Variants in TERT observed in about 807,000 individuals in gnomAD.
The protein encoded by TERT is telomerase reverse transcriptase.
A neutral mutation model predicts 104.0 loss-of-function variants in TERT; 42 were observed. The ratio of observed to expected loss-of-function variants is 0.40; its 90% CI spans 0.32 to 0.52. The LOEUF (loss-of-function observed/expected upper bound fraction) is 0.52. TERT is among the 20% of genes least tolerant of loss of function. TERT has a pLI of 0.43. For missense variants in TERT, 1,101 were observed against 1,610.3 expected (o/e 0.68, Z 5.41); for synonymous variants, 781 against 725.6 (o/e 1.08, Z -1.23).
In TERT at chr5:1,270,159, T is replaced by A. The variant is rs373237448; in HGVS notation, c.2468+960A>T. ...ACTCTGCTGCCATGTGCAATTTGTG[T>A]TTTTCCAGAACGTGTGTACTACTTA... On this transcript the variant is annotated intron_variant, in intron 8 of 15. Transcript: ENST00000310581. The surrounding 1 kb of genome is among the most constrained non-coding windows in gnomAD (Gnocchi z 8.3). Among the ~76,000 whole-genome samples, 1 of 152,182 alleles carries A rather than the reference T, an allele frequency of 6.6e-6. No homozygotes were observed. Among genetic ancestry groups the A allele is most frequent in the Non-Finnish European group, 1.5e-5 (1 of 68,030 alleles).
At position 1,253,421 on chromosome 5, in the gene TERT, G is replaced by A. The variant is rs1747469779; in HGVS notation, c.*307C>T. On this transcript the variant is annotated 3_prime_UTR_variant, in exon 16 of 16. Coordinates refer to ENST00000310581, the MANE Select transcript of TERT (RefSeq NM_198253.3). ...ATCTGGGGATGGACTATTCCTATGTGGGGAGTGGAAGCCGGGCTCCTGGTG... is the reference window on the plus strand; with the variant it reads ...ATCTGGGGATGGACTATTCCTATGTAGGGAGTGGAAGCCGGGCTCCTGGTG... 5.6e-6 allele frequency: 3 copies of A among 532,894 alleles called. No individual in the cohort carries two copies. The South Asian group carries it at 6.2e-5, about 11-fold the overall frequency. 33.0% of individuals were successfully genotyped at this position (532,894 alleles called of 1,614,324 possible).
intron 7 of TERT, 133 bp from the exon 8 acceptor site, chr5:1,271,337 G>C: frequency 1.4e-6 from 1 of 726,902 alleles, no homozygotes; most frequent in Middle Eastern, 2.3e-4. Context: ...CTGGAATGCA[G>C]GGCCATCGTG....
At chr5:1,258,341 C>T (rs1195991873) in intron 13 of TERT, among the ~76,000 whole-genome samples, 6 of 152,272 alleles carry the variant, frequency 3.9e-5, no homozygotes, top group South Asian at 2.1e-4. Flanking sequence ...GCCTCCATGA[C>T]GTCCCACGGC....
At position 1,255,421 on chromosome 5, in the gene TERT, T is replaced by C. The variant is rs1373248251; in HGVS notation, c.3033-10A>G. The C allele has an allele frequency of 1.2e-6, 2 of 1,614,096 alleles. No homozygotes were observed. The highest frequency in any genetic ancestry group is 1.7e-6 in the Non-Finnish European group (2 of 1,180,010). On this transcript the variant is annotated splice_polypyrimidine_tract_variant and intron_variant, in intron 13 of 15. Transcript: ENST00000310581. The surrounding 1 kb of genome is among the most constrained non-coding windows in gnomAD (Gnocchi z 6.9). ...CACACATGCGTGAAACCTGAGAGGA[T>C]GGCGGACAGCGTCAGAGGAAAGGCC...
Position 1,269,702 on chromosome 5 carries a change from G to A in TERT, c.2469-1069C>T, listed in dbSNP as rs993601729. ...GCAAGAGGACTGCACTTTTTGCACAGAAGCACACGCACCAACTCTAGGAGT... is the reference window on the plus strand; with the variant it reads ...GCAAGAGGACTGCACTTTTTGCACAAAAGCACACGCACCAACTCTAGGAGT... On this transcript the variant is annotated intron_variant, in intron 8 of 15. Coordinates refer to ENST00000310581, the MANE Select transcript of TERT (RefSeq NM_198253.3). The surrounding 1 kb of genome is among the most constrained non-coding windows in gnomAD (Gnocchi z 9.0). Among the ~76,000 whole-genome samples, 2 of 152,062 alleles carry A rather than the reference G, an allele frequency of 1.3e-5. No homozygotes were observed. Among genetic ancestry groups the A allele is most frequent in the Non-Finnish European group, 2.9e-5 (2 of 68,000 alleles).
In TERT at chr5:1,266,398, C is replaced by CG. The variant is rs1358691014; in HGVS notation, c.2654+65dup. On this transcript the variant is annotated intron_variant, in intron 10 of 15. Transcript: ENST00000310581. ...ACGCTGCGGTGCCAGGGGCAGGACA[C>CG]GGGGGGCTCAACTGCAAAGCCCACA... 4 of 1,379,294 alleles carry CG rather than the reference C, an allele frequency of 2.9e-6. No individual in the cohort carries two copies. In the African/African-American group the frequency reaches 5.7e-5, roughly 20 times the overall value. 85.4% of individuals were successfully genotyped at this position (1,379,294 alleles called of 1,614,324 possible). A position where few individuals can be genotyped will look rare whatever the true frequency, so the allele number is the denominator to read the frequency against.
Position 1,254,438 on chromosome 5 carries a change from G to C in TERT, c.3225C>G (p.His1075Gln). The C allele has an allele frequency of 6.2e-7, 1 of 1,613,154 alleles. No homozygotes were observed. The highest frequency in any genetic ancestry group is 1.1e-5 in the South Asian group (1 of 91,082). Reference sequence around the variant, plus strand: ...GAGTCAGCTTGAGCAGGAATGCTTGGTGGCACAGCCACTGCACGGCCTCGG... The same window carrying C: ...GAGTCAGCTTGAGCAGGAATGCTTGCTGGCACAGCCACTGCACGGCCTCGG... ...LPSEAVQWLC[H>Q]QAFLLKLTRH... Residue 1075 changes from histidine to glutamine, a missense_variant, in exon 15 of 16, where the codon CAC becomes CAG. Physicochemically the swap from His to Gln is conservative, Grantham distance 24. Around this residue, in one of 5 missense-constraint regions of TERT, gnomAD observed 463 missense variants for 797.5 expected, o/e 0.58. Coordinates refer to ENST00000310581, the MANE Select transcript of TERT (RefSeq NM_198253.3).
In TERT at chr5:1,280,335, C is replaced by T. The variant is rs2126644785; in HGVS notation, c.1773G>A (p.Gln591=). 1.9e-6 allele frequency: 3 copies of T among 1,612,974 alleles called. No individual in the cohort carries two copies. The highest frequency in any genetic ancestry group is 1.7e-6 in the Non-Finnish European group (2 of 1,180,002). The change falls in exon 4 of 16, where the codon CAG becomes CAA. Residue 591 remains glutamine (Q), a synonymous_variant. Coordinates refer to ENST00000310581, the MANE Select transcript of TERT (RefSeq NM_198253.3). ...CCCGCAGCTGCACCCTCTTCAAGTG[C>T]TGTCTGCAATAGAGAGCCCCTCAGG... is the stretch of plus-strand genomic sequence containing the variant. ...WSKLQSIGIR[Q]HLKRVQLREL... is the part of the protein sequence containing the mutation.
At position 1,253,623 on chromosome 5, in the gene TERT, C is replaced by T. The variant is rs554285274; in HGVS notation, c.*105G>A. 27 of 932,010 alleles carry T rather than the reference C, an allele frequency of 2.9e-5. No individual in the cohort carries two copies. Among genetic ancestry groups the T allele is most frequent in the South Asian group, 9.8e-5 (7 of 71,246 alleles). 57.7% of individuals were successfully genotyped at this position (932,010 alleles called of 1,614,324 possible). A position where few individuals can be genotyped will look rare whatever the true frequency, so the allele number is the denominator to read the frequency against. ...ACTCACTCAGGCCTCAGACTCCCAGCGGTGCGGGCCTGGGTGTGGGCCGCC... is the reference window on the plus strand; with the variant it reads ...ACTCACTCAGGCCTCAGACTCCCAGTGGTGCGGGCCTGGGTGTGGGCCGCC... On this transcript the variant is annotated 3_prime_UTR_variant, in exon 16 of 16. Coordinates refer to ENST00000310581, the MANE Select transcript of TERT (RefSeq NM_198253.3).
chr5:1,272,170 G>T lies in TERT; in HGVS notation c.2382+15C>A, dbSNP rs1749087923. The T allele has an allele frequency of 6.3e-7, 1 of 1,599,926 alleles. No homozygotes were observed. The highest frequency in any genetic ancestry group is 8.5e-7 in the Non-Finnish European group (1 of 1,173,376). On this transcript the variant is annotated intron_variant, in intron 7 of 15. Coordinates refer to ENST00000310581, the MANE Select transcript of TERT (RefSeq NM_198253.3). ...CTGGGAGTCCGTGCCCAACCCTGCAGGGCAGTGCCCAGACCTGCTCGATGA... is the reference window on the plus strand; with the variant it reads ...CTGGGAGTCCGTGCCCAACCCTGCATGGCAGTGCCCAGACCTGCTCGATGA...
rs1396964816 is a variant in TERT at position 1,287,156 on chromosome 5, T to G, written c.1574-4532A>C. Among the ~76,000 whole-genome samples the G allele has an allele frequency of 1.3e-5, 2 of 152,024 alleles. No homozygotes were observed. The highest frequency in any genetic ancestry group is 3.9e-4 in the East Asian group (2 of 5,172). On this transcript the variant is annotated intron_variant, in intron 2 of 15. Coordinates refer to ENST00000310581, the MANE Select transcript of TERT (RefSeq NM_198253.3). The surrounding 1 kb of genome is among the most constrained non-coding windows in gnomAD (Gnocchi z 4.3). ...AACGACTGTCAGACTGGATTGGAAATTCACCTACATGCTGTTAACAGGACA... is the reference window on the plus strand; with the variant it reads ...AACGACTGTCAGACTGGATTGGAAAGTCACCTACATGCTGTTAACAGGACA...
At chr5:1,273,132 CCACGACCGCCA>C in intron 6 of TERT, among the ~76,000 whole-genome samples, 1 of 33,302 alleles carries the variant, frequency 3.0e-5, no homozygotes, top group African/African-American at 1.3e-4. Context: ...ACATCAGACC[CCACGACCGCCA>C]TCCACAGTCA....
chr5:1,281,739 C>T (rs567096489), intron 3 of TERT, among the ~76,000 whole-genome samples: 4 of 152,284 alleles, frequency 2.6e-5, no homozygotes, highest in African/African-American at 9.6e-5. Context: ...GGGATTTTAT[C>T]CTCTCATGAC....
intron 6 of TERT, among the ~76,000 whole-genome samples, chr5:1,273,161 AGACCCCACGACCG>A (rs1749237771): frequency 5.0e-4 from 4 of 7,928 alleles, no homozygotes; most frequent in South Asian, 9.3e-3. Context: ...TCACCACATC[AGACCCCACGACCG>A]CCATCCACAG....
At chr5:1,279,214 C>A in intron 5 of TERT, 77 bp downstream of exon 5, 1 of 1,490,042 alleles carries the variant, frequency 6.7e-7, no homozygotes, top group South Asian at 1.3e-5. Flanking sequence ...GTACCTCCTC[C>A]ACCCAACATG....
At position 1,254,525 on chromosome 5, in the gene TERT, G is replaced by A. The variant is rs1747578881; in HGVS notation, c.3158-20C>T. 3 of 1,606,056 alleles carry A rather than the reference G, an allele frequency of 1.9e-6. No individual in the cohort carries two copies. The highest frequency in any genetic ancestry group is 1.7e-6 in the Non-Finnish European group (2 of 1,177,362). ...ACATCCCTGGGGGAAAACAGAGGCT[G>A]AGGAGTCACAGGCCCAGCCCAGCTC... On this transcript the variant is annotated intron_variant, in intron 14 of 15. Coordinates refer to ENST00000310581, the MANE Select transcript of TERT (RefSeq NM_198253.3).
rs2736114 is a variant in TERT at position 1,265,089 on chromosome 5, C to T, written c.2655-497G>A. On this transcript the variant is annotated intron_variant, in intron 10 of 15. Transcript: ENST00000310581. The surrounding 1 kb of genome is among the most constrained non-coding windows in gnomAD (Gnocchi z 6.9). Reference sequence around the variant, plus strand: ...AGGGTTCTGAGTTCCTGCTCAGGCGCGGGACCTGGCTGGGCTGTGAGCTGG... The same window carrying T: ...AGGGTTCTGAGTTCCTGCTCAGGCGTGGGACCTGGCTGGGCTGTGAGCTGG... Among the ~76,000 whole-genome samples, 46,691 of 152,156 alleles carry T rather than the reference C, an allele frequency of 0.31. 8,430 individuals are homozygous for T. Among genetic ancestry groups the T allele is most frequent in the African/African-American group, 0.5 (20,910 of 41,490 alleles).
rs924574453 is a variant in TERT, at chr5:1,263,978, C to T, written c.2843+426G>A. Among the ~76,000 whole-genome samples, 3 of 151,858 alleles carry T rather than the reference C, an allele frequency of 2.0e-5. No individual in the cohort carries two copies. Among genetic ancestry groups the T allele is most frequent in the African/African-American group, 7.3e-5 (3 of 41,188 alleles). On this transcript the variant is annotated intron_variant, in intron 11 of 15. Transcript: ENST00000310581. The surrounding 1 kb of genome is among the most constrained non-coding windows in gnomAD (Gnocchi z 5.3). The stretch of plus-strand genomic sequence containing the variant: ...CGGAGAGACTCACGCCCAAAAGGGC[C>T]CTGAAGTCTCTGGGTTCGGAGAGAC...
intron 2 of TERT, chr5:1,282,910 A>G (rs1295482091): frequency 3.3e-5 from 16 of 487,090 alleles, no homozygotes; most frequent in African/African-American, 1.2e-4. Flanking sequence ...AGCTCACCGC[A>G]GGGCCTGGCG....
Sources: gnomAD v4.1 joint callset for allele counts (sites outside exome capture counted in the v4.1 genomes callset) on GRCh38, gnomAD v4.1.1 for gene constraint, gnomAD v4.1.1 regional missense constraint, Gnocchi (gnomAD v3.1) non-coding constraint, MANE v1.5 for transcripts, NCBI Gene and HGNC (gene_info 2026-07-23, HGNC 2026-07-21) for gene names.